The following EED variants were observed in gnomAD, a reference collection of about 807,000 sequenced individuals.
The protein encoded by EED is embryonic ectoderm development.
In EED, 9 loss-of-function variants were observed where a neutral mutation model predicts 61.0. The ratio of observed to expected loss-of-function variants is 0.15; its 90% CI spans 0.09 to 0.26. The LOEUF is 0.26. Ranked by LOEUF, EED falls within the 10% of genes least tolerant of loss-of-function variation. The pLI, the probability that EED is intolerant of heterozygous loss-of-function variation, is 1.00. For missense variants in EED, 315 were observed against 542.3 expected (o/e 0.58, Z 4.16); for synonymous variants, 187 against 174.4 (o/e 1.07, Z -0.57).
intron 9 of EED, among the ~76,000 whole-genome samples, chr11:86,272,423 T>C (rs1946139586): frequency 6.6e-6 from 1 of 152,174 alleles, no homozygotes; most frequent in Admixed American, 6.5e-5. Context: ...TGTTGAGTTT[T>C]TGAGAATTTG....
intron 3 of EED, among the ~76,000 whole-genome samples, chr11:86,254,614 C>T (rs1318873632): frequency 6.7e-5 from 10 of 149,888 alleles, no homozygotes; most frequent in Non-Finnish European, 1.3e-4. Flanking sequence ...CCACTGTGTC[C>T]GGACTTATTT....
At chr11:86,270,016 G>T in intron 9 of EED, 1 of 649,198 alleles carries the variant, frequency 1.5e-6, no homozygotes. Context: ...AAATGCCTAG[G>T]AGGGCAATTG....
the EED span, among the ~76,000 whole-genome samples, chr11:86,287,549 T>G: frequency 6.6e-6 from 1 of 152,200 alleles, no homozygotes; most frequent in Non-Finnish European, 1.5e-5. Flanking sequence ...CTCTTACATT[T>G]CTGCATAATG....
chr11:86,265,181 G>C (rs866195528), intron 7 of EED: 1 of 152,160 alleles, frequency 6.6e-6, no homozygotes, highest in Admixed American at 6.5e-5. Flanking sequence ...GTAATTAGAA[G>C]TACCACAACT....
chr11:86,245,404 C>CG, intron 1 of EED, 61 bp downstream of exon 1: 2 of 1,336,292 alleles, frequency 1.5e-6, no homozygotes, highest in Non-Finnish European at 2.1e-6. Context: ...TCTTTTAAAA[C>CG]GGGGGGCGCG....
chr11:86,272,708 T>C (rs1946145838), intron 9 of EED, among the ~76,000 whole-genome samples: 1 of 152,232 alleles, frequency 6.6e-6, no homozygotes. Flanking sequence ...TGGAATTGTC[T>C]CTTTTTTCAT....
At chr11:86,248,344 G>C (rs1945441951) in intron 1 of EED, among the ~76,000 whole-genome samples, 1 of 152,174 alleles carries the variant, frequency 6.6e-6, no homozygotes, top group Non-Finnish European at 1.5e-5. Flanking sequence ...AATAAGCAAC[G>C]TGCCCTATTA....
At position 86,250,376 on chromosome 11, in the gene EED, G is replaced by A; in HGVS notation, c.195G>A (p.Arg65=). The A allele has an allele frequency of 6.2e-7, 1 of 1,608,474 alleles. No individual in the cohort carries two copies. The highest frequency in any genetic ancestry group is 1.1e-5 in the South Asian group (1 of 90,296). The change falls in exon 2 of 12, where the codon AGG becomes AGA. Residue 65 remains arginine (R), a synonymous_variant. Coordinates refer to ENST00000263360, the MANE Select transcript of EED (RefSeq NM_003797.5). The part of the protein sequence containing the change: ...TPTNTPNAPG[R]KSWGKGKWKS... ...CAAACACGCCAAATGCACCTGGAAGGAAAAGTTGGGGAAAGGGAAAATGGA... is the reference window on the plus strand; with the variant it reads ...CAAACACGCCAAATGCACCTGGAAGAAAAAGTTGGGGAAAGGGAAAATGGA...
chr11:86,279,972 C>T (rs1186228128), downstream of EED, among the ~76,000 whole-genome samples: 1 of 152,210 alleles, frequency 6.6e-6, no homozygotes, highest in African/African-American at 2.4e-5. Context: ...TGCCTAGGTT[C>T]TTGTTGCAAA....
At chr11:86,270,935 C>G (rs976032062) in intron 9 of EED, among the ~76,000 whole-genome samples, 1 of 152,142 alleles carries the variant, frequency 6.6e-6, no homozygotes, top group Non-Finnish European at 1.5e-5. Flanking sequence ...TATAATTATT[C>G]TTGGAATCTG....
downstream of EED, among the ~76,000 whole-genome samples, chr11:86,281,391 T>C (rs1340387005): frequency 1.3e-5 from 2 of 152,210 alleles, no homozygotes; most frequent in Non-Finnish European, 2.9e-5. Context: ...CAATTTTGTT[T>C]AGCTTTTTGT....
chr11:86,250,501 T>C (rs1945502029), intron 2 of EED, 53 bp downstream of exon 2: 8 of 1,455,298 alleles, frequency 5.5e-6, no homozygotes, highest in East Asian at 2.6e-5. Flanking sequence ...AGAAATTATT[T>C]CTCTGTGGCA....
intron 2 of EED, among the ~76,000 whole-genome samples, chr11:86,251,470 A>G (rs1199253559): frequency 6.6e-6 from 1 of 152,198 alleles, no homozygotes; most frequent in African/African-American, 2.4e-5. Context: ...AAAAGTGAAA[A>G]CAGTGCCTTA....
chr11:86,268,224 T>G, intron 8 of EED: 1 of 355,408 alleles, frequency 2.8e-6, no homozygotes, highest in Non-Finnish European at 5.1e-6. Flanking sequence ...ATAAACAAAG[T>G]ATCTATCATA....
chr11:86,278,330 C>T lies in EED; in HGVS notation c.1200-69C>T, dbSNP rs189450174. 396 of 1,534,010 alleles carry T rather than the reference C, an allele frequency of 2.6e-4. 1 individual carries two copies. The African/African-American group carries it at 3.6e-3, about 14-fold the overall frequency. On this transcript the variant is annotated intron_variant, in intron 11 of 11. Transcript: ENST00000263360. ...TGGAACATCTGCTTATTTTCTAATC[C>T]GCTGTTTTAGGGTAGACACTGACAA...
At chr11:86,268,598 TG>T in intron 9 of EED, 37 bp downstream of exon 9, 6 of 687,492 alleles carry the variant, frequency 8.7e-6, no homozygotes, top group Non-Finnish European at 1.3e-5. Flanking sequence ...TTCCATCGTG[TG>T]TGTGTGTGTG....
At chr11:86,285,844 C>G in the EED span, among the ~76,000 whole-genome samples, 4 of 152,116 alleles carry the variant, frequency 2.6e-5, no homozygotes, top group African/African-American at 9.7e-5. Flanking sequence ...GTGATCCAAC[C>G]TGCCTCAGCC....
At chr11:86,280,205 C>T (rs373432508), downstream of EED, among the ~76,000 whole-genome samples, 7 of 152,244 alleles carry the variant, frequency 4.6e-5, no homozygotes, top group South Asian at 6.2e-4. Context: ...ATTCTCGTGC[C>T]TCACCCTCCC....
intron 9 of EED, among the ~76,000 whole-genome samples, chr11:86,270,345 T>A (rs1041055748): frequency 4.3e-5 from 5 of 116,042 alleles, no homozygotes; most frequent in African/African-American, 1.7e-4. Context: ...TTGGATTGGT[T>A]TTTTGTTGTG....
Sources: allele counts gnomAD v4.1 joint callset (sites outside exome capture counted in the v4.1 genomes callset), GRCh38; gene constraint gnomAD v4.1.1; transcripts MANE v1.5; gene names NCBI Gene and HGNC (gene_info 2026-07-23, HGNC 2026-07-21).